Variants in AHSG observed in about 807,000 individuals in gnomAD.
AHSG encodes the protein alpha 2-HS glycoprotein, also known as alpha-2-HS-glycoprotein.
In AHSG, 23 loss-of-function variants were observed where a neutral mutation model predicts 30.1. The observed-to-expected ratio is 0.76, with a 90% CI of 0.55 to 1.08. The LOEUF is 1.08. Ranked by LOEUF, AHSG falls within the 50% of genes least tolerant of loss-of-function variation. The pLI is 0.00. For synonymous variants in AHSG, 164 were observed against 186.3 expected, an observed-to-expected ratio of 0.88 and a Z score of 0.98; for missense variants, 469 against 459.5, an observed-to-expected ratio of 1.02 and a Z score of -0.19.
chr3:186,620,053 C>A, intron 6 of AHSG, 113 bp downstream of exon 6: 2 of 720,422 alleles, frequency 2.8e-6, no homozygotes, highest in South Asian at 2.5e-5. Context: ...TTCTGAATCT[C>A]ACAGTATGAA....
intron 1 of AHSG, among the ~76,000 whole-genome samples, 197 bp from the exon 2 acceptor site, chr3:186,615,488 C>G (rs556987096): frequency 6.6e-6 from 1 of 152,290 alleles, no homozygotes; most frequent in South Asian, 2.1e-4. Flanking sequence ...CAGACGAAGA[C>G]CAGACAAGCC....
chr3:186,620,335 T>C (rs1447898305), intron 6 of AHSG, among the ~76,000 whole-genome samples: 1 of 152,120 alleles, frequency 6.6e-6, no homozygotes, highest in Non-Finnish European at 1.5e-5. Flanking sequence ...CTTTTACTCA[T>C]TGGACATATG....
Position 186,617,315 on chromosome 3 carries a change from T to C in AHSG, c.538T>C (p.Phe180Leu), listed in dbSNP as rs1483353714. 3 of 1,614,010 alleles carry C rather than the reference T, an allele frequency of 1.9e-6. No homozygotes were observed. Among genetic ancestry groups the C allele is most frequent in the Non-Finnish European group, 2.5e-6 (3 of 1,180,036 alleles). Residue 180 changes from phenylalanine to leucine, a missense_variant, in exon 4 of 7, where the codon TTT (phenylalanine) becomes CTT (leucine). Physicochemically the swap from Phe to Leu is conservative, Grantham distance 22. Transcript: ENST00000411641. Reference protein sequence around the residue: ...AFNAQNNGSNFQLEEISRAQL... With the variant: ...AFNAQNNGSNLQLEEISRAQL... ...CAACGCTCAGAACAACGGCTCCAAT[T>C]TTCAGCTGGAGGAAATTTCCCGGGC...
Position 186,619,879 on chromosome 3 carries a change from C to G in AHSG, c.698C>G (p.Thr233Arg), listed in dbSNP as rs747284297. The stretch of plus-strand genomic sequence containing the variant: ...CAGCAATATGGCTTTTGTAAGGCAA[C>G]ACTCAGTGAGAAGCTTGGTGGGGCA... ...AEKQYGFCKA[T>R]LSEKLGGAEV... Residue 233 changes from threonine to arginine, a missense_variant, in exon 6 of 7, where the codon ACA (threonine) becomes AGA (arginine). Coordinates refer to ENST00000411641, the MANE Select transcript of AHSG (RefSeq NM_001622.4). 4.3e-6 allele frequency: 7 copies of G among 1,613,266 alleles called. No homozygotes were observed. The South Asian group carries it at 6.6e-5, about 15-fold the overall frequency.
chr3:186,615,284 A>G (rs1716262652), intron 1 of AHSG, among the ~76,000 whole-genome samples: 1 of 152,250 alleles, frequency 6.6e-6, no homozygotes, highest in South Asian at 2.1e-4. Flanking sequence ...AGAAAAATCC[A>G]AACTTGCATT....
Position 186,618,562 on chromosome 3 carries a change from G to A in AHSG, c.600G>A (p.Glu200=). Residue 200 remains glutamate (E), a synonymous_variant, in exon 5 of 7, where the codon GAG becomes GAA. Transcript: ENST00000411641. ...CCCTCCCACCTTCTACCTATGTGGA[G>A]TTTACAGTGTCTGGCACTGACTGTG... is the stretch of plus-strand genomic sequence containing the variant. ...LVPLPPSTYV[E]FTVSGTDCVA... is the part of the protein sequence containing the mutation. The A allele has an allele frequency of 6.2e-7, 1 of 1,614,086 alleles. No individual in the cohort carries two copies.
intron 5 of AHSG, among the ~76,000 whole-genome samples, chr3:186,619,476 G>T (rs1444549104): frequency 6.6e-6 from 1 of 152,032 alleles, no homozygotes; most frequent in Non-Finnish European, 1.5e-5. Flanking sequence ...ACTAAAAATT[G>T]TGTTTTCAAG....
At chr3:186,619,103 T>G in intron 5 of AHSG, among the ~76,000 whole-genome samples, 1 of 152,130 alleles carries the variant, frequency 6.6e-6, no homozygotes, top group South Asian at 2.1e-4. Context: ...GAGACCATCC[T>G]GGCTAACATG....
At chr3:186,617,660 G>C in intron 4 of AHSG, 1 of 452,926 alleles carries the variant, frequency 2.2e-6, no homozygotes, top group Non-Finnish European at 4.1e-6. Context: ...TCAGCTGGTA[G>C]AGTTGCCCAC....
chr3:186,613,270 G>A lies in AHSG; in HGVS notation c.129G>A (p.Val43=). The change falls in exon 1 of 7, where the codon GTG becomes GTA. Residue 43 remains valine, a synonymous_variant. Transcript: ENST00000411641. ...DDPETEEAAL[V]AIDYINQNLP... ...CAGAAACTGAGGAAGCAGCTCTGGT[G>A]GCTATAGACTACATCAATCAAAACC... 6.2e-7 allele frequency: 1 copy of A among 1,614,140 alleles called. No individual in the cohort carries two copies.
intron 5 of AHSG, among the ~76,000 whole-genome samples, chr3:186,619,067 C>T (rs779922244): frequency 7.2e-5 from 11 of 152,106 alleles, no homozygotes; most frequent in Admixed American, 2.6e-4. Context: ...GAGGCCAAGA[C>T]GGGTGGATCG....
chr3:186,620,523 C>CT, intron 6 of AHSG, 63 bp from the exon 7 acceptor site: 1 of 1,432,588 alleles, frequency 7.0e-7, no homozygotes. Context: ...CCACCTGGGC[C>CT]TGTGGGTTGT....
Position 186,621,169 on chromosome 3 carries a change from A to G in AHSG, c.*239A>G. 1.9e-6 allele frequency: 1 copy of G among 516,430 alleles called. No individual in the cohort carries two copies. The highest frequency in any genetic ancestry group is 1.9e-5 in the African/African-American group (1 of 52,802). The allele number at this position is 516,430 out of a possible 1,614,324, so 32.0% of individuals were successfully genotyped here. On this transcript the variant is annotated 3_prime_UTR_variant, in exon 7 of 7. Transcript: ENST00000411641. ...GACAACTTGTCATGATTTTGACGGT[A>G]AGCCACCATGATTGTGTTCTCTGCC...
chr3:186,614,318 C>T (rs1382225122), intron 1 of AHSG, among the ~76,000 whole-genome samples: 1 of 152,174 alleles, frequency 6.6e-6, no homozygotes, highest in Non-Finnish European at 1.5e-5. Context: ...TATAAAACTG[C>T]CATTTTTCTA....
intron 3 of AHSG, 57 bp downstream of exon 3, chr3:186,616,584 T>C: frequency 7.1e-7 from 1 of 1,412,932 alleles, no homozygotes. Flanking sequence ...GGGGAAGGGA[T>C]CTGAATAATT....
chr3:186,620,836 G>A lies in AHSG; in HGVS notation c.1010G>A (p.Arg337Gln), dbSNP rs755858937. The change falls in exon 7 of 7, where the codon CGG becomes CAG. Residue 337 changes from arginine to glutamine, a missense_variant. By Grantham distance (43) the Arg-to-Gln change is conservative. Transcript: ENST00000411641. ...CCCTCAGGAGAAGTGTCGCACCCCCGGAAAACACGCACAGTGGTGCAGCCT... is the reference window on the plus strand; with the variant it reads ...CCCTCAGGAGAAGTGTCGCACCCCCAGAAAACACGCACAGTGGTGCAGCCT... ...GSPSGEVSHP[R>Q]KTRTVVQPSV... The A allele has an allele frequency of 1.1e-5, 17 of 1,614,002 alleles. No homozygotes were observed. The East Asian group carries it at 1.6e-4, about 15-fold the overall frequency.
intron 4 of AHSG, chr3:186,617,829 T>C (rs1410392526): frequency 4.2e-6 from 1 of 236,968 alleles, no homozygotes; most frequent in Non-Finnish European, 8.5e-6. Flanking sequence ...AAACATCTCA[T>C]TGTACTGTGG....
intron 5 of AHSG, 96 bp downstream of exon 5, chr3:186,618,733 G>C (rs1406025551): frequency 6.6e-7 from 1 of 1,513,674 alleles, no homozygotes. Context: ...GCTGCAGACA[G>C]AGAATAACAG....
At chr3:186,615,064 G>A (rs528364946) in intron 1 of AHSG, among the ~76,000 whole-genome samples, 2 of 152,196 alleles carry the variant, frequency 1.3e-5, no homozygotes, top group South Asian at 2.1e-4. Flanking sequence ...GAGCAGCATC[G>A]TTGCATGCCG....
Sources: allele counts gnomAD v4.1 joint callset (sites outside exome capture counted in the v4.1 genomes callset), GRCh38; gene constraint gnomAD v4.1.1; transcripts MANE v1.5; gene names NCBI Gene and HGNC (gene_info 2026-07-23, HGNC 2026-07-21).